CNBD1: variants seen among roughly 807,000 people sequenced by gnomAD.
CNBD1 encodes cyclic nucleotide binding domain containing 1.
Under a neutral mutation model 54.4 loss-of-function variants are expected in CNBD1, and 71 were observed. The ratio of observed to expected loss-of-function variants is 1.30; its 90% confidence interval spans 1.08 to 1.59. The LOEUF (loss-of-function observed/expected upper bound fraction) is 1.59. Ranked by LOEUF, CNBD1 falls within the 40% of genes most tolerant of loss-of-function variation. CNBD1 has a pLI of 0.00. For synonymous variants in CNBD1, 182 were observed against 170.7 expected (o/e 1.07, Z -0.51); for missense variants, 659 against 518.0 (o/e 1.27, Z -2.64).
intron 2 of CNBD1, among the ~76,000 whole-genome samples, chr8:87,405,681 G>A (rs1807640330): frequency 6.6e-6 from 1 of 152,090 alleles, no homozygotes; most frequent in Admixed American, 6.6e-5. Context: ...TATTCATACT[G>A]TGTACTCTTG....
At chr8:86,982,071 G>T (rs1808500019) in intron 4 of CNBD1, among the ~76,000 whole-genome samples, 1 of 152,144 alleles carries the variant, frequency 6.6e-6, no homozygotes, top group Non-Finnish European at 1.5e-5. Context: ...GACCAAAACA[G>T]AATTGCCAGT....
intron 1 of CNBD1, among the ~76,000 whole-genome samples, chr8:86,886,324 T>A (rs1377082487): frequency 6.6e-6 from 1 of 152,208 alleles, no homozygotes; most frequent in Non-Finnish European, 1.5e-5. Context: ...TTATTCCATA[T>A]GACGCTAACA....
chr8:86,961,567 G>A (rs1163378426), intron 4 of CNBD1, among the ~76,000 whole-genome samples: 1 of 152,234 alleles, frequency 6.6e-6, no homozygotes, highest in Non-Finnish European at 1.5e-5. Flanking sequence ...TCTGCCAAGG[G>A]CATCCCGTTT....
chr8:87,341,058 C>G (rs1279509453), intron 8 of CNBD1, among the ~76,000 whole-genome samples: 2 of 152,062 alleles, frequency 1.3e-5, no homozygotes, highest in Non-Finnish European at 2.9e-5. Context: ...TATCACTTAG[C>G]CTGGCAAGAG....
intron 2 of CNBD1, among the ~76,000 whole-genome samples, chr8:87,390,296 T>G (rs1443480227): frequency 1.3e-5 from 2 of 152,024 alleles, no homozygotes; most frequent in African/African-American, 2.4e-5. Context: ...GAAACTACCA[T>G]CAGAGTGAAC....
At chr8:87,319,611 T>G (rs1809477467) in intron 8 of CNBD1, among the ~76,000 whole-genome samples, 1 of 152,114 alleles carries the variant, frequency 6.6e-6, no homozygotes. Flanking sequence ...TTACTAGAAT[T>G]GTGTAGCAAC....
At chr8:86,937,768 T>G (rs1355486756) in intron 3 of CNBD1, among the ~76,000 whole-genome samples, 2 of 151,984 alleles carry the variant, frequency 1.3e-5, no homozygotes. Context: ...CTTGTGATGG[T>G]GGGGGCTGCC....
chr8:87,354,009 CA>C, intron 10 of CNBD1: 1 of 340,632 alleles, frequency 2.9e-6, no homozygotes. Context: ...TCATTTTCAT[CA>C]TATAGAAAGA....
intron 2 of CNBD1, among the ~76,000 whole-genome samples, chr8:87,393,948 T>C (rs1811361880): frequency 6.6e-6 from 1 of 151,850 alleles, no homozygotes; most frequent in Non-Finnish European, 1.5e-5. Flanking sequence ...AAGGCCAGTA[T>C]CCCAAGAGCA....
intron 8 of CNBD1, among the ~76,000 whole-genome samples, chr8:87,327,758 G>T (rs1046635401): frequency 6.6e-6 from 1 of 152,058 alleles, no homozygotes; most frequent in South Asian, 2.1e-4. Context: ...GAAATCACCC[G>T]TCTTCTGCGT....
chr8:87,382,872 C>T (rs1486746628), downstream of CNBD1: 9 of 367,666 alleles, frequency 2.4e-5, no homozygotes, highest in South Asian at 4.5e-4. Context: ...TCTGTTGATA[C>T]GAAGGTTTTC....
At position 87,277,452 on chromosome 8, in the gene CNBD1, G is replaced by C. The variant is rs558462950; in HGVS notation, c.772-7226G>C. ...CAGAGAAACACACAGAAAAATGTTT[G>C]ACCAAATATTTGGACACTCCGTGAT... On this transcript the variant is annotated intron_variant, in intron 6 of 10. Coordinates refer to ENST00000518476, the MANE Select transcript of CNBD1 (RefSeq NM_173538.3). 1.6e-4 allele frequency among the ~76,000 whole-genome samples: 24 copies of C among 151,824 alleles called. No homozygotes were observed. The Middle Eastern group carries it at 0.014, about 86-fold the overall frequency.
chr8:87,148,171 T>C (rs1812528672), intron 4 of CNBD1, among the ~76,000 whole-genome samples: 1 of 152,222 alleles, frequency 6.6e-6, no homozygotes, highest in African/African-American at 2.4e-5. Context: ...ATTAAATTCA[T>C]ATAAATGATT....
downstream of CNBD1, among the ~76,000 whole-genome samples, chr8:87,386,411 G>T (rs1811190577): frequency 6.6e-6 from 1 of 152,060 alleles, no homozygotes; most frequent in Admixed American, 6.6e-5. Flanking sequence ...ATACAGAGAA[G>T]TCCTTAAAGG....
Position 87,166,508 on chromosome 8 carries a change from G to A in CNBD1, c.432-39485G>A, listed in dbSNP as rs1812966242. On this transcript the variant is annotated intron_variant, in intron 4 of 10. Transcript: ENST00000518476. The surrounding 1 kb of genome is among the most constrained non-coding windows in gnomAD (Gnocchi z 4.3). ...CCCCATTAATCTGTTTATTGACTTA[G>A]CATTGCTCTTCAAATAGAATCTAAA... 6.6e-6 allele frequency among the ~76,000 whole-genome samples: 1 copy of A among 151,916 alleles called. No homozygotes were observed.
At chr8:87,198,708 T>C (rs1373056070) in intron 4 of CNBD1, among the ~76,000 whole-genome samples, 1 of 152,162 alleles carries the variant, frequency 6.6e-6, no homozygotes, top group Non-Finnish European at 1.5e-5. Flanking sequence ...AATTATTAGA[T>C]GACAAGTGAG....
chr8:87,408,963 C>T (rs1473540124), intron 2 of CNBD1, among the ~76,000 whole-genome samples: 1 of 152,044 alleles, frequency 6.6e-6, no homozygotes, highest in African/African-American at 2.4e-5. Flanking sequence ...TACGTGTTCC[C>T]TAAGGCCCGA....
intron 4 of CNBD1, among the ~76,000 whole-genome samples, chr8:87,021,024 C>T (rs1370934330): frequency 1.3e-5 from 2 of 152,194 alleles, no homozygotes; most frequent in Non-Finnish European, 2.9e-5. Flanking sequence ...TCAAATTTCC[C>T]TATAGCCTGG....
chr8:87,333,718 G>A (rs142518113), intron 8 of CNBD1, among the ~76,000 whole-genome samples: 5,311 of 152,200 alleles, frequency 0.035, 298 homozygotes, highest in African/African-American at 0.12. Flanking sequence ...GGATGAAGCC[G>A]ACTTGATCAT....
Sources: allele counts gnomAD v4.1 joint callset (sites outside exome capture counted in the v4.1 genomes callset), GRCh38; gene constraint gnomAD v4.1.1; non-coding constraint Gnocchi (gnomAD v3.1); transcripts MANE v1.5; gene names NCBI Gene and HGNC (gene_info 2026-07-23, HGNC 2026-07-21).